MB21D2: variants seen among roughly 807,000 people sequenced by gnomAD.
MB21D2 encodes nucleotidyltransferase MB21D2.
Under a neutral mutation model 33.3 loss-of-function variants are expected in MB21D2, and 9 were observed. The ratio of observed to expected loss-of-function variants is 0.27; its 90% CI spans 0.16 to 0.47. The LOEUF is 0.47. Ranked by LOEUF, MB21D2 falls within the 20% of genes least tolerant of loss-of-function variation. The pLI, the probability that MB21D2 is intolerant of heterozygous loss-of-function variation, is 0.99. For synonymous variants in MB21D2, 241 were observed against 236.3 expected (o/e 1.02, Z -0.18); for missense variants, 540 against 624.6 (o/e 0.86, Z 1.44).
chr3:192,893,168 C>T (rs1035756478), intron 1 of MB21D2, among the ~76,000 whole-genome samples: 3 of 152,120 alleles, frequency 2.0e-5, no homozygotes, highest in Admixed American at 2.0e-4. Context: ...TCAAAGCACC[C>T]CTGGAGTTTA....
chr3:192,906,160 ACT>A (rs1177460148), intron 1 of MB21D2, among the ~76,000 whole-genome samples: 1 of 152,204 alleles, frequency 6.6e-6, no homozygotes, highest in East Asian at 1.9e-4. Context: ...TGTAGAAGTC[ACT>A]GTTTCTGGCC....
At chr3:192,910,047 T>C (rs996275670) in intron 1 of MB21D2, among the ~76,000 whole-genome samples, 1 of 147,514 alleles carries the variant, frequency 6.8e-6, no homozygotes, top group Non-Finnish European at 1.5e-5. Flanking sequence ...TACATGACAA[T>C]GTAGAACATG....
At chr3:192,828,805 C>T (rs1253018758) in intron 1 of MB21D2, among the ~76,000 whole-genome samples, 1 of 150,140 alleles carries the variant, frequency 6.7e-6, no homozygotes, top group Non-Finnish European at 1.5e-5. Context: ...CCCGCCATCA[C>T]ACCCGGCTAA....
chr3:192,827,722 C>CTG (rs1553856467), intron 1 of MB21D2, among the ~76,000 whole-genome samples: 2 of 151,734 alleles, frequency 1.3e-5, no homozygotes, highest in South Asian at 4.1e-4. Context: ...GTTCTGTCTA[C>CTG]ACTTAGTGTC....
chr3:192,883,438 A>G (rs1250100817), intron 1 of MB21D2, among the ~76,000 whole-genome samples: 1 of 152,140 alleles, frequency 6.6e-6, no homozygotes, highest in African/African-American at 2.4e-5. Context: ...ATAAACATTT[A>G]TATTTTAGGT....
intron 1 of MB21D2, among the ~76,000 whole-genome samples, chr3:192,916,700 G>GGGCTCGGTCTCCCGGGCCT (rs1714473683): frequency 6.6e-6 from 1 of 152,192 alleles, no homozygotes; most frequent in Non-Finnish European, 1.5e-5. Flanking sequence ...TGGGGAGGGT[G>GGGCTCGGTCTCCCGGGCCT]GGCTCGGTCT....
At chr3:192,873,734 C>T (rs1312100193) in intron 1 of MB21D2, among the ~76,000 whole-genome samples, 1 of 152,122 alleles carries the variant, frequency 6.6e-6, no homozygotes. Context: ...GTCAGAATCT[C>T]GCTCTGTCAA....
chr3:192,882,738 C>CTTTTTT (rs150767581), intron 1 of MB21D2, among the ~76,000 whole-genome samples: 2 of 145,110 alleles, frequency 1.4e-5, no homozygotes, highest in Non-Finnish European at 1.5e-5. Context: ...AACCAGTTTC[C>CTTTTTT]TTTTTTTTTC....
intron 1 of MB21D2, among the ~76,000 whole-genome samples, chr3:192,893,559 T>C (rs1053952585): frequency 2.6e-5 from 4 of 152,166 alleles, no homozygotes; most frequent in African/African-American, 9.7e-5. Context: ...CTTGACTGTA[T>C]GGGAAAACAT....
At chr3:192,878,081 C>CTTTTTTTTTTTTTTTTTTTTGT (rs1713476779) in intron 1 of MB21D2, among the ~76,000 whole-genome samples, 1 of 119,532 alleles carries the variant, frequency 8.4e-6, no homozygotes, top group Non-Finnish European at 1.7e-5. Flanking sequence ...AATTCCTCCT[C>CTTTTTTTTTTTTTTTTTTTTGT]TTTTTTTTTT....
At chr3:192,904,248 T>C (rs1300037942) in intron 1 of MB21D2, among the ~76,000 whole-genome samples, 2 of 152,200 alleles carry the variant, frequency 1.3e-5, no homozygotes, top group South Asian at 2.1e-4. Flanking sequence ...CGGGTTCTAG[T>C]CACGATTCTG....
chr3:192,917,024 A>G (rs913147816), intron 1 of MB21D2, among the ~76,000 whole-genome samples: 4 of 152,204 alleles, frequency 2.6e-5, no homozygotes, highest in Non-Finnish European at 5.9e-5. Context: ...CAATTTGCAA[A>G]TCAAAGTTGC....
chr3:192,884,601 T>A (rs1490281901), intron 1 of MB21D2, among the ~76,000 whole-genome samples: 1 of 152,040 alleles, frequency 6.6e-6, no homozygotes, highest in Admixed American at 6.5e-5. Flanking sequence ...TCTCCTGACC[T>A]CGTGATCTGC....
chr3:192,838,871 AG>A (rs1158516176), intron 1 of MB21D2, among the ~76,000 whole-genome samples: 1 of 152,218 alleles, frequency 6.6e-6, no homozygotes, highest in Non-Finnish European at 1.5e-5. Flanking sequence ...AGAGAACCCA[AG>A]TATCCACTGT....
chr3:192,863,882 C>T (rs892367758), intron 1 of MB21D2, among the ~76,000 whole-genome samples: 1 of 152,190 alleles, frequency 6.6e-6, no homozygotes, highest in Admixed American at 6.5e-5. Flanking sequence ...GAGCCTTGAT[C>T]TTAACCTTTC....
intron 1 of MB21D2, among the ~76,000 whole-genome samples, chr3:192,815,941 A>G (rs1366251667): frequency 1.3e-5 from 2 of 152,134 alleles, no homozygotes; most frequent in Non-Finnish European, 2.9e-5. Flanking sequence ...TTGGCTTGGG[A>G]GCACATATAT....
chr3:192,904,828 A>C (rs769248084), intron 1 of MB21D2, among the ~76,000 whole-genome samples: 6 of 152,206 alleles, frequency 3.9e-5, no homozygotes, highest in Non-Finnish European at 8.8e-5. Context: ...CATACTGAGG[A>C]GTCGGCATTT....
intron 1 of MB21D2, among the ~76,000 whole-genome samples, chr3:192,874,652 C>T (rs1311594230): frequency 6.6e-6 from 1 of 152,188 alleles, no homozygotes; most frequent in Admixed American, 6.5e-5. Context: ...TTCGCTTCCT[C>T]CCAGCTCCTT....
Position 192,798,388 on chromosome 3 carries a change from A to C in MB21D2, c.1474T>G (p.Ter492GlyextTer9). 6.2e-7 allele frequency: 1 copy of C among 1,612,944 alleles called. No individual in the cohort carries two copies. Among genetic ancestry groups the C allele is most frequent in the Non-Finnish European group, 8.5e-7 (1 of 1,178,976 alleles). Reference protein sequence around the residue: ...PHFRIDDKFF* With the variant: ...PHFRIDDKFFG ...GAAAAAAAAAAGTCAGCTAACACTC[A>C]GAAAAATTTGTCATCAATTCTGAAA... Residue 492 changes from the stop codon to glycine (G), a stop_lost, in exon 2 of 2, where the codon TGA becomes GGA. Transcript: ENST00000392452. This position sits in a 1 kb window ranked among gnomAD's most constrained non-coding sequence, Gnocchi z 4.8.
Sources: allele counts gnomAD v4.1 joint callset (sites outside exome capture counted in the v4.1 genomes callset), GRCh38; gene constraint gnomAD v4.1.1; non-coding constraint Gnocchi (gnomAD v3.1); transcripts MANE v1.5; gene names NCBI Gene and HGNC (gene_info 2026-07-23, HGNC 2026-07-21).